Variants in UBE2E2 observed in about 807,000 individuals in gnomAD.
The protein encoded by UBE2E2 is ubiquitin conjugating enzyme E2 E2.
UBE2E2 carries 6 observed loss-of-function variants against 24.7 expected under a neutral mutation model. That is an observed-to-expected ratio of 0.24 (90% CI 0.13 to 0.48). UBE2E2 has a LOEUF of 0.48. Among genes scored for constraint, UBE2E2 ranks in the 20% least tolerant of loss-of-function variants. The pLI is 0.99. For missense variants in UBE2E2, 169 were observed against 245.0 expected (o/e 0.69, Z 2.07); for synonymous variants, 104 against 83.6 (o/e 1.24, Z -1.33).
intron 3 of UBE2E2, among the ~76,000 whole-genome samples, chr3:23,219,509 A>G (rs1696567345): frequency 6.6e-6 from 1 of 152,208 alleles, no homozygotes; most frequent in African/African-American, 2.4e-5. Flanking sequence ...TTTTGGTCAA[A>G]GTTAACAGTG....
rs553521823 is a variant in UBE2E2 at position 23,375,067 on chromosome 3, A to G, written c.228-124541A>G. Among the ~76,000 whole-genome samples, 3 of 152,206 alleles carry G rather than the reference A, an allele frequency of 2.0e-5. No individual in the cohort carries two copies. The East Asian group carries it at 5.8e-4, about 29-fold the overall frequency. ...AATCTGTGCTTTTATTCGTATTTAC[A>G]TATCATGAGATATAAAAAAAAAATC... On this transcript the variant is annotated intron_variant, in intron 3 of 5. Coordinates refer to ENST00000396703, the MANE Select transcript of UBE2E2 (RefSeq NM_152653.4).
intron 5 of UBE2E2, among the ~76,000 whole-genome samples, chr3:23,576,068 G>A (rs1258158253): frequency 6.6e-6 from 1 of 152,068 alleles, no homozygotes. Context: ...GCCTCAAGGT[G>A]GAAGGGGGTA....
At chr3:23,502,600 A>G (rs1336873824) in intron 4 of UBE2E2, among the ~76,000 whole-genome samples, 1 of 152,192 alleles carries the variant, frequency 6.6e-6, no homozygotes, top group Non-Finnish European at 1.5e-5. Flanking sequence ...TGAACACCCT[A>G]TATTCCACTG....
At chr3:23,330,049 C>T (rs1695017633) in intron 3 of UBE2E2, among the ~76,000 whole-genome samples, 1 of 152,116 alleles carries the variant, frequency 6.6e-6, no homozygotes, top group African/African-American at 2.4e-5. Flanking sequence ...TGATGCTACC[C>T]CATACATTTT....
At chr3:23,251,284 T>A (rs1263158765) in intron 3 of UBE2E2, among the ~76,000 whole-genome samples, 1 of 152,226 alleles carries the variant, frequency 6.6e-6, no homozygotes, top group African/African-American at 2.4e-5. Flanking sequence ...AGATTTTCCA[T>A]GACCTCCTCC....
intron 5 of UBE2E2, among the ~76,000 whole-genome samples, chr3:23,556,399 C>T (rs886453304): frequency 7.2e-6 from 1 of 138,698 alleles, no homozygotes; most frequent in Non-Finnish European, 1.5e-5. Context: ...CCTCGACCTC[C>T]CAAAGTGCTG....
At chr3:23,377,136 T>A (rs1299611545) in intron 3 of UBE2E2, among the ~76,000 whole-genome samples, 1 of 152,208 alleles carries the variant, frequency 6.6e-6, no homozygotes, top group Non-Finnish European at 1.5e-5. Context: ...ATTGGGTCCG[T>A]GTTCTGTTTC....
intron 3 of UBE2E2, among the ~76,000 whole-genome samples, chr3:23,433,455 T>C (rs1176281298): frequency 6.6e-6 from 1 of 152,010 alleles, no homozygotes; most frequent in African/African-American, 2.4e-5. Flanking sequence ...TTTGGACTGA[T>C]GTCAACAGTG....
intron 5 of UBE2E2, among the ~76,000 whole-genome samples, chr3:23,574,231 T>C (rs893612487): frequency 6.6e-6 from 1 of 152,058 alleles, no homozygotes; most frequent in East Asian, 1.9e-4. Flanking sequence ...CTGGAAAAGG[T>C]AGTTGGTGTC....
chr3:23,438,394 G>A (rs1454379510), intron 3 of UBE2E2, among the ~76,000 whole-genome samples: 1 of 152,148 alleles, frequency 6.6e-6, no homozygotes, highest in Non-Finnish European at 1.5e-5. Flanking sequence ...TTTGAGCAAA[G>A]GATTGGCAGA....
chr3:23,386,193 TTCTC>T (rs1696800333), intron 3 of UBE2E2, among the ~76,000 whole-genome samples: 1 of 152,136 alleles, frequency 6.6e-6, no homozygotes, highest in African/African-American at 2.4e-5. Flanking sequence ...AGAAATTTCT[TTCTC>T]ATTTTTCTGG....
intron 3 of UBE2E2, among the ~76,000 whole-genome samples, chr3:23,440,914 T>G (rs1366256837): frequency 1.3e-5 from 2 of 152,134 alleles, no homozygotes; most frequent in Non-Finnish European, 2.9e-5. Context: ...CCTAAGAGAC[T>G]CGCTTATTGT....
At chr3:23,416,208 T>C (rs1297721683) in intron 3 of UBE2E2, among the ~76,000 whole-genome samples, 1 of 152,206 alleles carries the variant, frequency 6.6e-6, no homozygotes, top group African/African-American at 2.4e-5. Flanking sequence ...TAAACATACG[T>C]GTGCATGTGT....
At position 23,317,121 on chromosome 3, in the gene UBE2E2, C is replaced by G. The variant is rs114815295; in HGVS notation, c.227+99809C>G. ...TTTAGCCTCCTTGGCTGGTGTGTCA[C>G]TAGGTCATGTGTCCCCCCAAATGTG... On this transcript the variant is annotated intron_variant, in intron 3 of 5. Transcript: ENST00000396703. 1.7e-3 allele frequency among the ~76,000 whole-genome samples: 253 copies of G among 152,288 alleles called. 1 individual carries two copies. Among genetic ancestry groups the G allele is most frequent in the African/African-American group, 5.9e-3 (244 of 41,556 alleles).
chr3:23,361,752 A>G (rs1696119138), intron 3 of UBE2E2, among the ~76,000 whole-genome samples: 1 of 152,170 alleles, frequency 6.6e-6, no homozygotes, highest in Non-Finnish European at 1.5e-5. Context: ...AATCTCAGAA[A>G]TCACCACTAA....
intron 2 of UBE2E2, among the ~76,000 whole-genome samples, chr3:23,214,633 G>C (rs1320752493): frequency 2.0e-5 from 3 of 151,070 alleles, no homozygotes; most frequent in African/African-American, 7.3e-5. Flanking sequence ...TGTGTTGTTT[G>C]AAAATTGCAA....
rs115155227 is a variant in UBE2E2 at position 23,253,001 on chromosome 3, A to G, written c.227+35689A>G. Among the ~76,000 whole-genome samples the G allele has an allele frequency of 3.7e-3, 558 of 152,294 alleles. 4 individuals are homozygous for G. The highest frequency in any genetic ancestry group is 0.013 in the African/African-American group (533 of 41,562). On this transcript the variant is annotated intron_variant, in intron 3 of 5. Coordinates refer to ENST00000396703, the MANE Select transcript of UBE2E2 (RefSeq NM_152653.4). ...TTTTAATAAAGAATATGTAAGAAGC[A>G]TTTATTGAATGCTTAGCATGTGAAA...
intron 3 of UBE2E2, among the ~76,000 whole-genome samples, chr3:23,269,663 A>G (rs1698177856): frequency 6.6e-6 from 1 of 152,212 alleles, no homozygotes; most frequent in Non-Finnish European, 1.5e-5. Context: ...AGCAGCTTTT[A>G]GTAGATAGTT....
chr3:23,259,794 G>A (rs1488721549), intron 3 of UBE2E2, among the ~76,000 whole-genome samples: 3 of 152,150 alleles, frequency 2.0e-5, no homozygotes, highest in Non-Finnish European at 2.9e-5. Context: ...GAGGACCCTC[G>A]AGAGTTTTCC....
Sources: allele counts gnomAD v4.1 joint callset (sites outside exome capture counted in the v4.1 genomes callset), GRCh38; gene constraint gnomAD v4.1.1; transcripts MANE v1.5; gene names NCBI Gene and HGNC (gene_info 2026-07-23, HGNC 2026-07-21).